The following ROR1 variants were observed in gnomAD, a reference collection of about 807,000 sequenced individuals.
ROR1 encodes ROR family WNT receptor 1, also known as inactive tyrosine-protein kinase transmembrane receptor ROR1.
ROR1 carries 19 observed loss-of-function variants against 78.8 expected under a neutral mutation model. The observed-to-expected ratio is 0.24, with a 90% confidence interval of 0.17 to 0.35. ROR1 has a LOEUF of 0.35. Ranked by LOEUF, ROR1 falls within the 10% of genes least tolerant of loss-of-function variation. ROR1 has a pLI of 1.00. For synonymous variants in ROR1, 386 were observed against 433.6 expected (o/e 0.89, Z 1.36); for missense variants, 917 against 1,177.8 (o/e 0.78, Z 3.24).
At chr1:64,076,877 G>A (rs923465814) in intron 4 of ROR1, among the ~76,000 whole-genome samples, 3 of 152,238 alleles carry the variant, frequency 2.0e-5, no homozygotes, top group Non-Finnish European at 4.4e-5. Context: ...ATAATGGTAA[G>A]AGGAACAGTT....
chr1:64,158,897 G>A, intron 7 of ROR1, 84 bp from the exon 8 acceptor site: 1 of 978,618 alleles, frequency 1.0e-6, no homozygotes, highest in South Asian at 1.5e-5. Flanking sequence ...TAGAAGAGGT[G>A]GTTCATTTTA....
chr1:64,136,063 C>T (rs539203223), intron 4 of ROR1, among the ~76,000 whole-genome samples: 1 of 152,296 alleles, frequency 6.6e-6, no homozygotes, highest in Non-Finnish European at 1.5e-5. Context: ...AAATAACTGT[C>T]TTTTAAATAA....
intron 2 of ROR1, among the ~76,000 whole-genome samples, chr1:64,031,469 G>C (rs1646659146): frequency 6.6e-6 from 1 of 152,174 alleles, no homozygotes; most frequent in African/African-American, 2.4e-5. Context: ...CATTTTTCTT[G>C]GATGATTCAT....
intron 1 of ROR1, among the ~76,000 whole-genome samples, chr1:63,832,415 G>A (rs1174168437): frequency 6.6e-6 from 1 of 152,128 alleles, no homozygotes; most frequent in Non-Finnish European, 1.5e-5. Context: ...GCATGGGTGG[G>A]GAGGCCTCAG....
At chr1:64,102,899 A>G (rs4915941) in intron 4 of ROR1, among the ~76,000 whole-genome samples, 23,092 of 152,068 alleles carry the variant, frequency 0.15, 2,042 homozygotes, top group Non-Finnish European at 0.2. Context: ...TTTCTCCCCA[A>G]TTTCGACAAC....
At chr1:63,867,048 G>A (rs900838459) in intron 1 of ROR1, among the ~76,000 whole-genome samples, 6 of 152,208 alleles carry the variant, frequency 3.9e-5, no homozygotes, top group Non-Finnish European at 7.3e-5. Flanking sequence ...CTATGCAGCT[G>A]AAGGCTGCCA....
chr1:64,062,523 G>C (rs1162621156), intron 4 of ROR1, among the ~76,000 whole-genome samples: 1 of 152,142 alleles, frequency 6.6e-6, no homozygotes. Flanking sequence ...GTGTTAGCCA[G>C]GATGGTCTCG....
chr1:64,049,982 A>T lies in ROR1; in HGVS notation c.451+4A>T, dbSNP rs759814158. The stretch of plus-strand genomic sequence containing the variant: ...GGAGTCTTGTTTGTCAAGTTTGGTA[A>T]GCAGACCCCTACTGGGGATGGACTT... On this transcript the variant is annotated splice_donor_region_variant and intron_variant, in intron 3 of 8. Transcript: ENST00000371079. 5 of 1,614,036 alleles carry T rather than the reference A, an allele frequency of 3.1e-6. No individual in the cohort carries two copies. Among genetic ancestry groups the T allele is most frequent in the Non-Finnish European group, 2.5e-6 (3 of 1,179,976 alleles).
At position 64,009,303 on chromosome 1, in the gene ROR1, A is replaced by T. The variant is rs772603269; in HGVS notation, c.92-2A>T. 1 of 1,610,832 alleles carries T rather than the reference A, an allele frequency of 6.2e-7. No homozygotes were observed. Among genetic ancestry groups the T allele is most frequent in the Non-Finnish European group, 8.5e-7 (1 of 1,177,142 alleles). ...TCTCCCTTCCCTTCTTTTTCTTTTC[A>T]GAAACAGAGCTGTCAGTCAGTGCTG... On this transcript the variant is annotated splice_acceptor_variant, in intron 1 of 8. Coordinates refer to ENST00000371079, the MANE Select transcript of ROR1 (RefSeq NM_005012.4). LOFTEE classifies it high-confidence loss of function.
chr1:63,810,964 A>G (rs1644856678), intron 1 of ROR1, among the ~76,000 whole-genome samples: 1 of 152,210 alleles, frequency 6.6e-6, no homozygotes, highest in South Asian at 2.1e-4. Context: ...AGGAACTCAC[A>G]TGTACTATCT....
chr1:63,836,862 G>T (rs558155978), intron 1 of ROR1, among the ~76,000 whole-genome samples: 1 of 152,208 alleles, frequency 6.6e-6, no homozygotes, highest in South Asian at 2.1e-4. Flanking sequence ...TAAAAAGCTT[G>T]TGGGCCTGTT....
intron 4 of ROR1, among the ~76,000 whole-genome samples, chr1:64,066,070 A>G (rs539120371): frequency 3.4e-4 from 52 of 152,304 alleles, no homozygotes; most frequent in East Asian, 3.9e-4. Flanking sequence ...TGGTTCAGTC[A>G]TTACAAATGT....
chr1:64,121,961 G>A (rs187475030), intron 4 of ROR1, among the ~76,000 whole-genome samples: 1 of 152,326 alleles, frequency 6.6e-6, no homozygotes, highest in Non-Finnish European at 1.5e-5. Flanking sequence ...TTGAGCACCA[G>A]AACCTGCACC....
At chr1:64,028,606 A>G (rs1360065501) in intron 2 of ROR1, among the ~76,000 whole-genome samples, 1 of 152,194 alleles carries the variant, frequency 6.6e-6, no homozygotes, top group Non-Finnish European at 1.5e-5. Context: ...TGCCATCCAG[A>G]AATGCTAAGA....
At chr1:63,948,380 A>G (rs2100466504) in intron 1 of ROR1, among the ~76,000 whole-genome samples, 1 of 150,394 alleles carries the variant, frequency 6.6e-6, no homozygotes, top group Middle Eastern at 3.4e-3. Context: ...GGAGATTGCT[A>G]TACTTAACTA....
chr1:64,033,062 A>G (rs919859698), intron 2 of ROR1, among the ~76,000 whole-genome samples: 4 of 152,154 alleles, frequency 2.6e-5, no homozygotes, highest in African/African-American at 9.7e-5. Context: ...TTGCATAACA[A>G]TATGATTGTA....
At chr1:63,816,937 G>A (rs1049661402) in intron 1 of ROR1, among the ~76,000 whole-genome samples, 22 of 152,324 alleles carry the variant, frequency 1.4e-4, no homozygotes, top group African/African-American at 5.3e-4. Context: ...CTTACTGTGT[G>A]CCAGGCACTG....
intron 1 of ROR1, among the ~76,000 whole-genome samples, chr1:63,844,767 A>T (rs1645070843): frequency 6.6e-6 from 1 of 152,176 alleles, no homozygotes; most frequent in African/African-American, 2.4e-5. Context: ...AATGAAATAA[A>T]GCAGCCCCTT....
intron 4 of ROR1, chr1:64,112,221 T>C (rs1050602067): frequency 7.2e-5 from 11 of 152,244 alleles, no homozygotes; most frequent in African/African-American, 1.9e-4. Context: ...CATATATCAA[T>C]AATTGTTCTA....
Sources: allele counts gnomAD v4.1 joint callset (sites outside exome capture counted in the v4.1 genomes callset), GRCh38; gene constraint gnomAD v4.1.1; transcripts MANE v1.5; gene names NCBI Gene and HGNC (gene_info 2026-07-23, HGNC 2026-07-21).